CEP162: variants seen among roughly 807,000 people sequenced by gnomAD.
The protein encoded by CEP162 is centrosomal protein 162.
Under a neutral mutation model 169.2 loss-of-function variants are expected in CEP162, and 141 were observed. That is an observed-to-expected ratio of 0.83 (90% CI 0.73 to 0.96). The LOEUF (loss-of-function observed/expected upper bound fraction) is 0.96. Among genes scored for constraint, CEP162 ranks in the 40% least tolerant of loss-of-function variants. CEP162 has a pLI of 0.00. For missense variants in CEP162, 1,600 were observed against 1,587.2 expected, an observed-to-expected ratio of 1.01 and a Z score of -0.14; for synonymous variants, 540 against 526.4, an observed-to-expected ratio of 1.03 and a Z score of -0.35.
chr6:84,133,197 T>G (rs2099512355), intron 25 of CEP162, among the ~76,000 whole-genome samples: 1 of 152,166 alleles, frequency 6.6e-6, no homozygotes, highest in South Asian at 2.1e-4. Flanking sequence ...ACAGCAAATG[T>G]TGCTGCCTGA....
chr6:84,171,682 G>C lies in CEP162; in HGVS notation c.2203C>G (p.Gln735Glu), dbSNP rs2099530189. 6.5e-7 allele frequency: 1 copy of C among 1,531,754 alleles called. No individual in the cohort carries two copies. The highest frequency in any genetic ancestry group is 1.3e-5 in the South Asian group (1 of 78,306). The allele number at this position is 1,531,754 out of a possible 1,614,324, so 94.9% of individuals were successfully genotyped here. A position where few individuals can be genotyped will look rare whatever the true frequency, so the allele number is the denominator to read the frequency against. ...ERLYNQVKDL[Q>E]EQNKKNEERM... ...TCCTCATTTTTCTTGTTTTGTTCTT[G>C]GAGATCTTTTACTTGATTATATAAT... is the stretch of plus-strand genomic sequence containing the variant. Residue 735 changes from glutamine (Q) to glutamate (E), a missense_variant, in exon 17 of 27, where the codon CAA becomes GAA. Transcript: ENST00000403245.
At position 84,174,090 on chromosome 6, in the gene CEP162, T is replaced by G. The variant is rs765530878; in HGVS notation, c.2124A>C (p.Lys708Asn). Residue 708 changes from lysine to asparagine, a missense_variant, in exon 16 of 27, where the codon AAA (lysine) becomes AAC (asparagine). Lys to Asn is a moderately conservative substitution (Grantham distance 94). Coordinates refer to ENST00000403245, the MANE Select transcript of CEP162 (RefSeq NM_014895.4). ...VTGEKLKQIQKEIQEQETLLQ... is the reference protein window; with the variant it reads ...VTGEKLKQIQNEIQEQETLLQ... ...GAAGTGTCTCTTGTTCTTGTATTTC[T>G]TTTTGGATTTGCTTCAACTTTTCTC... 1 of 1,612,328 alleles carries G rather than the reference T, an allele frequency of 6.2e-7. No homozygotes were observed. The highest frequency in any genetic ancestry group is 1.3e-5 in the African/African-American group (1 of 74,926).
intron 5 of CEP162, 33 bp from the exon 6 acceptor site, chr6:84,213,057 A>C: frequency 5.3e-6 from 7 of 1,331,050 alleles, no homozygotes; most frequent in Non-Finnish European, 7.3e-6. Flanking sequence ...TTAGCATTAC[A>C]TGTTAAAAAC....
Position 84,179,419 on chromosome 6 carries a change from A to G in CEP162, c.1664-4072T>C, listed in dbSNP as rs539670892. Among the ~76,000 whole-genome samples the G allele has an allele frequency of 3.4e-3, 524 of 152,262 alleles. 3 individuals are homozygous for G. Among genetic ancestry groups the G allele is most frequent in the African/African-American group, 0.012 (482 of 41,554 alleles). ...CATTTCTCTGATGGCCAGTGATGAT[A>G]AGCATTTTTTCATGTGTCTGTTGGC... On this transcript the variant is annotated intron_variant, in intron 13 of 26. Coordinates refer to ENST00000403245, the MANE Select transcript of CEP162 (RefSeq NM_014895.4).
chr6:84,213,342 C>T (rs536519398), intron 5 of CEP162, among the ~76,000 whole-genome samples: 6 of 152,272 alleles, frequency 3.9e-5, no homozygotes, highest in Admixed American at 1.3e-4. Flanking sequence ...ATCCCTTCTA[C>T]ACTAAAGATT....
At chr6:84,188,459 A>G (rs1398935690) in intron 11 of CEP162, among the ~76,000 whole-genome samples, 1 of 152,126 alleles carries the variant, frequency 6.6e-6, no homozygotes, top group Non-Finnish European at 1.5e-5. Context: ...TTTAGCTCCC[A>G]CTGATAAGTG....
intron 13 of CEP162, among the ~76,000 whole-genome samples, chr6:84,178,854 C>T (rs2129225761): frequency 6.6e-6 from 1 of 152,264 alleles, no homozygotes; most frequent in South Asian, 2.1e-4. Flanking sequence ...TGTTCCCCTT[C>T]CTGTGTCCAA....
chr6:84,197,630 T>C lies in CEP162; in HGVS notation c.836-2555A>G, dbSNP rs539086976. 1.1e-4 allele frequency among the ~76,000 whole-genome samples: 16 copies of C among 151,996 alleles called. No individual in the cohort carries two copies. The South Asian group carries it at 3.3e-3, about 32-fold the overall frequency. ...AAGTTCAAGACCAGCCTGGCCAACA[T>C]GGTGAAACCTCGTCTCCACTAAAAA... On this transcript the variant is annotated intron_variant, in intron 9 of 26. Transcript: ENST00000403245.
chr6:84,157,071 T>C (rs2099523508), intron 21 of CEP162, among the ~76,000 whole-genome samples: 1 of 152,158 alleles, frequency 6.6e-6, no homozygotes, highest in African/African-American at 2.4e-5. Context: ...CTATGCAATA[T>C]ATGCCTGCAA....
At chr6:84,170,932 T>G (rs1482768524) in intron 17 of CEP162, among the ~76,000 whole-genome samples, 1 of 152,178 alleles carries the variant, frequency 6.6e-6, no homozygotes, top group Non-Finnish European at 1.5e-5. Flanking sequence ...CCGCAGCCCC[T>G]GACCCGGCAT....
intron 2 of CEP162, among the ~76,000 whole-genome samples, chr6:84,225,171 C>T (rs770553900): frequency 3.9e-5 from 6 of 152,042 alleles, no homozygotes; most frequent in African/African-American, 4.8e-5. Context: ...TTTTATGCAT[C>T]GCTTAATTAT....
At position 84,125,263 on chromosome 6, in the gene CEP162, G is replaced by A. The variant is rs2099508459; in HGVS notation, c.4019C>T (p.Thr1340Ile). 1 of 1,612,768 alleles carries A rather than the reference G, an allele frequency of 6.2e-7. No individual in the cohort carries two copies. The highest frequency in any genetic ancestry group is 8.5e-7 in the Non-Finnish European group (1 of 1,179,306). The change falls in exon 27 of 27, where the codon ACA becomes ATA. Residue 1340 changes from threonine (T) to isoleucine (I), a missense_variant. By Grantham distance (89) the Thr-to-Ile change is moderately conservative. Transcript: ENST00000403245. ...TTGCTCAGTTTCTACTACTTGGTGT[G>A]TTTGCTGTATTATCTGCAAATACAA... is the stretch of plus-strand genomic sequence containing the variant. ...EQELQQIIQQTHQVVETEQNK... is the reference protein window; with the variant it reads ...EQELQQIIQQIHQVVETEQNK...
In CEP162 at chr6:84,194,986, G is replaced by C. The variant is rs749743403; in HGVS notation, c.925C>G (p.Gln309Glu). The change falls in exon 10 of 27, where the codon CAA (glutamine) becomes GAA (glutamate). Residue 309 changes from glutamine to glutamate, a missense_variant. Transcript: ENST00000403245. ...TCCACTGTGTTACTCTCAATTTTTT[G>C]TTTGTCTTCATCTCCCAATGAATGG... ...IAHSLGDEDKQKIESNTVEDI... is the reference protein window; with the variant it reads ...IAHSLGDEDKEKIESNTVEDI... The C allele has an allele frequency of 3.1e-6, 5 of 1,612,784 alleles. No homozygotes were observed. In the Admixed American group the frequency reaches 5.0e-5, roughly 16 times the overall value.
chr6:84,194,791 A>G, intron 10 of CEP162, 93 bp downstream of exon 10: 1 of 1,025,120 alleles, frequency 9.8e-7, no homozygotes, highest in Non-Finnish European at 1.4e-6. Flanking sequence ...CTGAGAAACA[A>G]TCACTACAGC....
In CEP162 at chr6:84,152,874, TTC is replaced by T. The variant is rs770335950; in HGVS notation, c.3298_3299del (p.Glu1100AsnfsTer44). On this transcript the variant is annotated frameshift_variant, in exon 23 of 27. Transcript: ENST00000403245. LOFTEE classifies it high-confidence loss of function. The part of the protein sequence containing the change: ...LNEELAAKKR[E>X]IQDLSKTVER... Reference sequence around the variant, plus strand: ...CCACAGTTTTTGAGAGGTCTTGTATTTCTCTCTTTTTTGCAGCCAGTTCTTCA... The same window carrying T: ...CCACAGTTTTTGAGAGGTCTTGTATTTCTCTTTTTTGCAGCCAGTTCTTCA... 25 of 1,613,734 alleles carry T rather than the reference TTC, an allele frequency of 1.5e-5. No homozygotes were observed. The highest frequency in any genetic ancestry group is 6.7e-5 in the Admixed American group (4 of 59,932).
chr6:84,212,159 A>G (rs1308323096), intron 6 of CEP162, among the ~76,000 whole-genome samples: 1 of 152,174 alleles, frequency 6.6e-6, no homozygotes, highest in Non-Finnish European at 1.5e-5. Context: ...AACCTGCACT[A>G]CAAGAAATGT....
intron 6 of CEP162, among the ~76,000 whole-genome samples, chr6:84,211,174 A>G (rs950762693): frequency 6.6e-6 from 1 of 152,114 alleles, no homozygotes; most frequent in African/African-American, 2.4e-5. Flanking sequence ...ATGAAGAAAA[A>G]TGCTAAAGAA....
Position 84,160,833 on chromosome 6 carries a change from T to G in CEP162, c.2760A>C (p.Lys920Asn). ...ATACTTGTCGCTCCAGATCCTGAATTTTTTTGGCATCTGCTGCTTTATCTT... is the reference window on the plus strand; with the variant it reads ...ATACTTGTCGCTCCAGATCCTGAATGTTTTTGGCATCTGCTGCTTTATCTT... ...RLKDKAADAK[K>N]IQDLERQVKE... is the part of the protein sequence containing the mutation. Residue 920 changes from lysine (K) to asparagine (N), a missense_variant, in exon 21 of 27, where the codon AAA becomes AAC. Physicochemically the swap from Lys to Asn is moderately conservative, Grantham distance 94 (BLOSUM62 0). Coordinates refer to ENST00000403245, the MANE Select transcript of CEP162 (RefSeq NM_014895.4). 1.2e-6 allele frequency: 2 copies of G among 1,610,792 alleles called. No individual in the cohort carries two copies. The highest frequency in any genetic ancestry group is 1.7e-6 in the Non-Finnish European group (2 of 1,177,228).
chr6:84,173,203 G>A (rs926644429), intron 16 of CEP162, among the ~76,000 whole-genome samples: 11 of 152,088 alleles, frequency 7.2e-5, no homozygotes, highest in African/African-American at 1.9e-4. Flanking sequence ...TTCATTGATC[G>A]ATTGCTGTGT....
Sources: gnomAD v4.1 joint callset for allele counts (sites outside exome capture counted in the v4.1 genomes callset) on GRCh38, gnomAD v4.1.1 for gene constraint, MANE v1.5 for transcripts, NCBI Gene and HGNC (gene_info 2026-07-23, HGNC 2026-07-21) for gene names.